The following GRM7 variants were observed in gnomAD, a reference collection of about 807,000 sequenced individuals.
GRM7 encodes glutamate metabotropic receptor 7.
GRM7 carries 35 observed loss-of-function variants against 84.5 expected under a neutral mutation model. That is an observed-to-expected ratio of 0.41 (90% confidence interval 0.32 to 0.55). The LOEUF is 0.55. GRM7 is among the 20% of genes least tolerant of loss of function. The probability of loss-of-function intolerance (pLI) is 0.19; values close to 1 mark genes in which losing one functional copy is unlikely to be tolerated. For missense variants in GRM7, 1,003 were observed against 1,194.6 expected (o/e 0.84, Z 2.36); for synonymous variants, 487 against 455.1 (o/e 1.07, Z -0.89).
chr3:7,025,944 C>T (rs1263305478), intron 1 of GRM7, among the ~76,000 whole-genome samples: 1 of 152,126 alleles, frequency 6.6e-6, no homozygotes, highest in African/African-American at 2.4e-5. Context: ...CTCATGACAC[C>T]TACCCTGCAA....
intron 2 of GRM7, among the ~76,000 whole-genome samples, chr3:7,229,313 A>G (rs1012055664): frequency 4.6e-5 from 7 of 152,110 alleles, no homozygotes; most frequent in African/African-American, 1.4e-4. Flanking sequence ...CAAGCACCAA[A>G]TTATTTCCAC....
chr3:7,547,388 A>G (rs1693216100), intron 7 of GRM7, among the ~76,000 whole-genome samples: 1 of 151,594 alleles, frequency 6.6e-6, no homozygotes, highest in South Asian at 2.1e-4. Context: ...TTGTATTTTT[A>G]GTAGAGATGG....
In GRM7 at chr3:7,415,020, T is replaced by C. The variant is rs370870954; in HGVS notation, c.1034-3T>C. Reference sequence around the variant, plus strand: ...AATGACCTTTTCATTTAACTCTGTTTAGGGTTTGATGCCTACTTTACGTCC... The same window carrying C: ...AATGACCTTTTCATTTAACTCTGTTCAGGGTTTGATGCCTACTTTACGTCC... On this transcript the variant is annotated splice_polypyrimidine_tract_variant and splice_region_variant and intron_variant, in intron 4 of 9. Transcript: ENST00000357716. The C allele has an allele frequency of 2.5e-6, 4 of 1,610,968 alleles. No individual in the cohort carries two copies. In the African/African-American group the frequency reaches 5.3e-5, roughly 22 times the overall value.
chr3:7,210,044 A>C (rs776441486), intron 2 of GRM7, among the ~76,000 whole-genome samples: 2 of 152,190 alleles, frequency 1.3e-5, no homozygotes, highest in Non-Finnish European at 2.9e-5. Context: ...AGGCATGTTA[A>C]TAAAATGTTT....
chr3:7,301,364 A>G (rs1015765097), intron 3 of GRM7, among the ~76,000 whole-genome samples: 12 of 152,124 alleles, frequency 7.9e-5, no homozygotes, highest in African/African-American at 2.9e-4. Flanking sequence ...TGTTTTCATA[A>G]TATTACTCTT....
rs149377735 is a variant in GRM7 at position 7,332,923 on chromosome 3, A to G, written c.1033+26271A>G. The stretch of plus-strand genomic sequence containing the variant: ...ACAGACATAAACTTTTGGGAGCTCT[A>G]TGGCTCCTCCCATCACTTGAGAAAC... On this transcript the variant is annotated intron_variant, in intron 4 of 9. Coordinates refer to ENST00000357716, the MANE Select transcript of GRM7 (RefSeq NM_000844.4). Among the ~76,000 whole-genome samples, 451 of 152,156 alleles carry G rather than the reference A, an allele frequency of 3.0e-3. 5 individuals carry two copies. In the South Asian group the frequency reaches 0.03, roughly 10 times the overall value.
intron 7 of GRM7, among the ~76,000 whole-genome samples, chr3:7,528,541 AT>A (rs886898212): frequency 6.6e-6 from 1 of 151,104 alleles, no homozygotes; most frequent in African/African-American, 2.4e-5. Context: ...GCTTTTAGTT[AT>A]TTTTTTTCTT....
chr3:7,026,305 T>C (rs1371285909), intron 1 of GRM7, among the ~76,000 whole-genome samples: 1 of 152,214 alleles, frequency 6.6e-6, no homozygotes, highest in African/African-American at 2.4e-5. Flanking sequence ...AGGATTCTGC[T>C]TAACAGATCT....
intron 9 of GRM7, among the ~76,000 whole-genome samples, chr3:7,693,339 G>A (rs1287558948): frequency 1.3e-5 from 2 of 152,072 alleles, no homozygotes; most frequent in African/African-American, 2.4e-5. Context: ...GCAATTTCCT[G>A]GAACAAAAAT....
intron 8 of GRM7, among the ~76,000 whole-genome samples, chr3:7,652,818 G>A (rs540057735): frequency 1.2e-4 from 19 of 152,328 alleles, no homozygotes; most frequent in Non-Finnish European, 2.2e-4. Context: ...GAGACCAGCT[G>A]TATGCATAAC....
At chr3:6,977,424 G>C (rs1401663670) in intron 1 of GRM7, among the ~76,000 whole-genome samples, 1 of 151,852 alleles carries the variant, frequency 6.6e-6, no homozygotes, top group East Asian at 1.9e-4. Flanking sequence ...TTAGACACAT[G>C]ATTGAAATAA....
intron 7 of GRM7, among the ~76,000 whole-genome samples, chr3:7,519,377 C>A (rs2124988420): frequency 6.6e-6 from 1 of 150,534 alleles, no homozygotes; most frequent in East Asian, 2.0e-4. Context: ...AAAAAAAATG[C>A]CAAACATATT....
intron 4 of GRM7, among the ~76,000 whole-genome samples, chr3:7,314,834 T>A (rs1283536940): frequency 6.6e-6 from 1 of 152,164 alleles, no homozygotes; most frequent in Non-Finnish European, 1.5e-5. Flanking sequence ...TTGTATTTTT[T>A]AAAATTTCTG....
chr3:7,549,763 C>A (rs57940441), intron 7 of GRM7, among the ~76,000 whole-genome samples: 14 of 152,136 alleles, frequency 9.2e-5, no homozygotes, highest in Non-Finnish European at 5.9e-5. Flanking sequence ...ATTTTGAAAT[C>A]GCTTGTGAAA....
chr3:6,958,077 A>ATGTG lies in GRM7; in HGVS notation c.519+96186_519+96189dup, dbSNP rs139080887. On this transcript the variant is annotated intron_variant, in intron 1 of 9. Transcript: ENST00000357716. The stretch of plus-strand genomic sequence containing the variant: ...ACACACTATTTCATTATGTGTATAT[A>ATGTG]TGTGTGTGTGTGTGTGTGTATATAT... Among the ~76,000 whole-genome samples, 393 of 150,778 alleles carry ATGTG rather than the reference A, an allele frequency of 2.6e-3. 2 individuals are homozygous for ATGTG. Among genetic ancestry groups the ATGTG allele is most frequent in the African/African-American group, 8.3e-3 (339 of 41,078 alleles).
chr3:6,989,678 T>C (rs890968462), intron 1 of GRM7, among the ~76,000 whole-genome samples: 1 of 152,112 alleles, frequency 6.6e-6, no homozygotes, highest in Admixed American at 6.6e-5. Context: ...ATGGGAGTAA[T>C]GGAAAAATAC....
At chr3:7,349,987 A>C (rs1693064679) in intron 4 of GRM7, among the ~76,000 whole-genome samples, 1 of 151,944 alleles carries the variant, frequency 6.6e-6, no homozygotes, top group South Asian at 2.1e-4. Flanking sequence ...GTAGTTTTCC[A>C]GAGCATATTT....
intron 4 of GRM7, among the ~76,000 whole-genome samples, chr3:7,358,141 G>A (rs978967240): frequency 2.6e-5 from 4 of 152,108 alleles, no homozygotes; most frequent in African/African-American, 4.8e-5. Context: ...AATTAGGTTA[G>A]CAATGTAGGG....
At chr3:7,659,347 G>C (rs994015255) in intron 8 of GRM7, among the ~76,000 whole-genome samples, 4 of 152,178 alleles carry the variant, frequency 2.6e-5, no homozygotes, top group African/African-American at 9.6e-5. Flanking sequence ...ATAGCTATGA[G>C]AGATGAGCTA....
Sources: allele counts gnomAD v4.1 joint callset (sites outside exome capture counted in the v4.1 genomes callset), GRCh38; gene constraint gnomAD v4.1.1; transcripts MANE v1.5; gene names NCBI Gene and HGNC (gene_info 2026-07-23, HGNC 2026-07-21).